Variants in DCLK2 observed in about 807,000 individuals in gnomAD.
DCLK2 encodes the protein serine/threonine-protein kinase DCLK2.
Under a neutral mutation model 78.4 loss-of-function variants are expected in DCLK2, and 31 were observed. The ratio of observed to expected loss-of-function variants is 0.40; its 90% CI spans 0.30 to 0.53. The LOEUF is 0.53. DCLK2 is among the 20% of genes least tolerant of loss of function. The probability of loss-of-function intolerance (pLI) is 0.61; values close to 1 mark genes in which losing one functional copy is unlikely to be tolerated. For synonymous variants in DCLK2, 407 were observed against 374.9 expected, an observed-to-expected ratio of 1.09 and a Z score of -0.99; for missense variants, 872 against 973.7, an observed-to-expected ratio of 0.90 and a Z score of 1.39.
At chr4:150,220,602 G>A in intron 5 of DCLK2, 101 bp from the exon 6 acceptor site, 1 of 944,952 alleles carries the variant, frequency 1.1e-6, no homozygotes, top group Non-Finnish European at 1.6e-6. Flanking sequence ...CGGTTTCTGT[G>A]ACACATTTTT....
rs1744560840 is a variant in DCLK2 at position 150,256,252 on chromosome 4, C to G, written c.*5C>G. The stretch of plus-strand genomic sequence containing the variant: ...TGGCGCCGCCACCGAGACTGAGCCT[C>G]CTGCAGACGGGCGAAGCCGCCTGCT... On this transcript the variant is annotated 3_prime_UTR_variant, in exon 16 of 16. Coordinates refer to ENST00000296550, the MANE Select transcript of DCLK2 (RefSeq NM_001040260.4). The G allele has an allele frequency of 1.4e-5, 21 of 1,504,734 alleles. No homozygotes were observed. Among genetic ancestry groups the G allele is most frequent in the Non-Finnish European group, 1.9e-5 (21 of 1,127,312 alleles). 93.2% of individuals were successfully genotyped at this position (1,504,734 alleles called of 1,614,324 possible). A position where few individuals can be genotyped will look rare whatever the true frequency, so the allele number is the denominator to read the frequency against.
chr4:150,183,737 C>CTTT (rs376479148), intron 2 of DCLK2, among the ~76,000 whole-genome samples: 11 of 143,116 alleles, frequency 7.7e-5, no homozygotes, highest in Admixed American at 2.8e-4. Context: ...TTTTCTTTTT[C>CTTT]TTTTTTTTTT....
At chr4:150,109,848 C>A (rs1731539140) in intron 2 of DCLK2, among the ~76,000 whole-genome samples, 1 of 152,118 alleles carries the variant, frequency 6.6e-6, no homozygotes, top group African/African-American at 2.4e-5. Flanking sequence ...TTATTTTGTT[C>A]TTTGATTCCT....
chr4:150,078,878 C>T lies in DCLK2; in HGVS notation c.-150C>T. 1 of 1,068,742 alleles carries T rather than the reference C, an allele frequency of 9.4e-7. No individual in the cohort carries two copies. The highest frequency in any genetic ancestry group is 1.3e-6 in the Non-Finnish European group (1 of 789,848). The allele number at this position is 1,068,742 out of a possible 1,614,324, so 66.2% of individuals were successfully genotyped here. On this transcript the variant is annotated 5_prime_UTR_variant, in exon 1 of 16. Coordinates refer to ENST00000296550, the MANE Select transcript of DCLK2 (RefSeq NM_001040260.4). ...CGGGCGGGTCGGCTCCTCCGCGGCT[C>T]CTCGGCCCCACCTGCGCGGAGAGGG...
chr4:150,097,282 C>T (rs1730536799), intron 1 of DCLK2, among the ~76,000 whole-genome samples: 1 of 151,468 alleles, frequency 6.6e-6, no homozygotes, highest in Non-Finnish European at 1.5e-5. Flanking sequence ...AGTGTTTCAG[C>T]CTCCGGGTAG....
chr4:150,079,160 A>T lies in DCLK2; in HGVS notation c.133A>T (p.Ile45Phe). The T allele has an allele frequency of 6.2e-7, 1 of 1,606,376 alleles. No individual in the cohort carries two copies. Among genetic ancestry groups the T allele is most frequent in the East Asian group, 2.2e-5 (1 of 44,784 alleles). ...CTCGGGCCCCAAGGGGAACGGGCTC[A>T]TCCCCAGTCCGGCGCACAGTGCCCA... ...SSSGPKGNGL[I>F]PSPAHSAHCS... The change falls in exon 1 of 16, where the codon ATC becomes TTC. Residue 45 changes from isoleucine to phenylalanine, a missense_variant. Physicochemically the swap from Ile to Phe is conservative, Grantham distance 21. Transcript: ENST00000296550.
rs183998803 is a variant in DCLK2, at chr4:150,123,897, G to A, written c.756+21085G>A. ...CTCTACAAAAAATTAAAAAGTAGCC[G>A]GGTGTGGTAGCACATGCTTGTAGTC... On this transcript the variant is annotated intron_variant, in intron 2 of 15. Transcript: ENST00000296550. Among the ~76,000 whole-genome samples the A allele has an allele frequency of 5.3e-5, 8 of 152,040 alleles. No individual in the cohort carries two copies. The East Asian group carries it at 5.8e-4, about 11-fold the overall frequency.
intron 5 of DCLK2, among the ~76,000 whole-genome samples, chr4:150,214,616 G>C (rs919567236): frequency 6.6e-6 from 1 of 152,104 alleles, no homozygotes; most frequent in Non-Finnish European, 1.5e-5. Flanking sequence ...TTGCCACAGA[G>C]AACCTGTGAC....
intron 2 of DCLK2, among the ~76,000 whole-genome samples, chr4:150,128,806 G>A (rs1393363132): frequency 6.6e-6 from 1 of 152,090 alleles, no homozygotes; most frequent in Non-Finnish European, 1.5e-5. Context: ...TGGACAGAGA[G>A]TATTATTTGG....
intron 2 of DCLK2, among the ~76,000 whole-genome samples, chr4:150,154,710 G>A (rs955676079): frequency 6.6e-6 from 1 of 152,020 alleles, no homozygotes; most frequent in Non-Finnish European, 1.5e-5. Context: ...GGTTTTTATT[G>A]TTTGATTTTT....
At chr4:150,188,001 A>G (rs1334541150) in intron 2 of DCLK2, among the ~76,000 whole-genome samples, 2 of 152,122 alleles carry the variant, frequency 1.3e-5, no homozygotes, top group African/African-American at 2.4e-5. Flanking sequence ...GGGTTTCGCC[A>G]TGTTGGCTAG....
intron 3 of DCLK2, among the ~76,000 whole-genome samples, chr4:150,197,701 G>A (rs994228471): frequency 1.3e-5 from 2 of 151,820 alleles, no homozygotes; most frequent in African/African-American, 4.8e-5. Context: ...GTTGCAGTGA[G>A]CAGAATCGCT....
At chr4:150,248,549 A>G (rs777968817) in intron 14 of DCLK2, among the ~76,000 whole-genome samples, 164 bp downstream of exon 14, 1 of 152,202 alleles carries the variant, frequency 6.6e-6, no homozygotes. Context: ...TCCCCAAGAA[A>G]GCAGTTGGCA....
intron 5 of DCLK2, among the ~76,000 whole-genome samples, chr4:150,208,010 A>G (rs535130758): frequency 2.5e-4 from 38 of 152,292 alleles, no homozygotes; most frequent in South Asian, 1.7e-3. Flanking sequence ...GGAACCATCC[A>G]GCATAAGAGG....
chr4:150,235,038 A>T (rs1462604416), intron 10 of DCLK2, among the ~76,000 whole-genome samples: 1 of 152,108 alleles, frequency 6.6e-6, no homozygotes, highest in African/African-American at 2.4e-5. Flanking sequence ...CCTGCTCTCC[A>T]CAACCTGCCT....
At chr4:150,180,735 C>T (rs1239489729) in intron 2 of DCLK2, among the ~76,000 whole-genome samples, 3 of 152,110 alleles carry the variant, frequency 2.0e-5, no homozygotes, top group Admixed American at 6.5e-5. Context: ...CCCTCTTTCT[C>T]CCCCAGGCAG....
intron 8 of DCLK2, among the ~76,000 whole-genome samples, chr4:150,228,832 C>T (rs1316843713): frequency 6.6e-6 from 1 of 151,280 alleles, no homozygotes; most frequent in Admixed American, 6.6e-5. Flanking sequence ...CGAGACCATC[C>T]TGGCTAACAA....
chr4:150,117,876 C>T (rs1264036849), intron 2 of DCLK2, among the ~76,000 whole-genome samples: 2 of 152,314 alleles, frequency 1.3e-5, no homozygotes, highest in Admixed American at 6.5e-5. Context: ...TCACCACACA[C>T]TATTTTGTCT....
intron 5 of DCLK2, among the ~76,000 whole-genome samples, chr4:150,207,373 A>G (rs917487680): frequency 6.6e-6 from 1 of 152,176 alleles, no homozygotes; most frequent in Non-Finnish European, 1.5e-5. Flanking sequence ...CCCTCTTTGT[A>G]TACATGTCTG....
Sources: gnomAD v4.1 joint callset for allele counts (sites outside exome capture counted in the v4.1 genomes callset) on GRCh38, gnomAD v4.1.1 for gene constraint, MANE v1.5 for transcripts, NCBI Gene and HGNC (gene_info 2026-07-23, HGNC 2026-07-21) for gene names.